RAD9B: variants seen among roughly 807,000 people sequenced by gnomAD.
RAD9B encodes the protein RAD9 checkpoint clamp component B.
Under a neutral mutation model 48.3 loss-of-function variants are expected in RAD9B, and 41 were observed. That is an observed-to-expected ratio of 0.85 (90% CI 0.66 to 1.10). RAD9B has a LOEUF of 1.10. Ranked by LOEUF, RAD9B falls within the 50% of genes least tolerant of loss-of-function variation. The pLI, the probability that RAD9B is intolerant of heterozygous loss-of-function variation, is 0.00. For synonymous variants in RAD9B, 160 were observed against 157.9 expected, an observed-to-expected ratio of 1.01 and a Z score of -0.10; for missense variants, 444 against 485.1, an observed-to-expected ratio of 0.92 and a Z score of 0.80.
Position 110,531,541 on chromosome 12 carries a change from TC to T in RAD9B, c.*889del. ...ATTTTATTTCCTAACCTCAAATTGT[TC>T]TGATTTTCAGATGTGATTTTTTATT... On this transcript the variant is annotated 3_prime_UTR_variant, in exon 11 of 11. Coordinates refer to ENST00000409300, the MANE Select transcript of RAD9B (RefSeq NM_001286535.2). 1 of 1,437,950 alleles carries T rather than the reference TC, an allele frequency of 7.0e-7. No individual in the cohort carries two copies. The highest frequency in any genetic ancestry group is 2.3e-5 in the East Asian group (1 of 43,926). 89.1% of individuals were successfully genotyped at this position (1,437,950 alleles called of 1,614,324 possible). A position where few individuals can be genotyped will look rare whatever the true frequency, so the allele number is the denominator to read the frequency against.
chr12:110,518,564 C>T (rs2063678862), intron 6 of RAD9B, 112 bp from the exon 7 acceptor site: 4 of 611,236 alleles, frequency 6.5e-6, no homozygotes, highest in Admixed American at 3.5e-5. Flanking sequence ...AGTTAGGGTA[C>T]GTAGGGCAGG....
intron 10 of RAD9B, 113 bp from the exon 11 acceptor site, chr12:110,530,412 C>A: frequency 1.1e-6 from 1 of 945,628 alleles, no homozygotes; most frequent in African/African-American, 1.6e-5. Flanking sequence ...CCATCACCAG[C>A]AAAGACAGGG....
At chr12:110,510,896 G>A (rs2063437903) in intron 4 of RAD9B, among the ~76,000 whole-genome samples, 1 of 151,952 alleles carries the variant, frequency 6.6e-6, no homozygotes, top group African/African-American at 2.4e-5. Flanking sequence ...GGAGGTTGCA[G>A]TGAGTTGAGA....
chr12:110,504,967 T>C (rs958596985), intron 2 of RAD9B, among the ~76,000 whole-genome samples: 1 of 151,416 alleles, frequency 6.6e-6, no homozygotes, highest in African/African-American at 2.4e-5. Flanking sequence ...GGTGGTACCA[T>C]TGCACTCCAG....
In RAD9B at chr12:110,521,320, T is replaced by G. The variant is rs143303909; in HGVS notation, c.891-857T>G. Among the ~76,000 whole-genome samples, 4 of 151,842 alleles carry G rather than the reference T, an allele frequency of 2.6e-5. No homozygotes were observed. The East Asian group carries it at 7.8e-4, about 30-fold the overall frequency. ...GGCACCTGCCACCACACCCAGCTAATTTTTGTGTTTTTTGTAGAGATCGGG... is the reference window on the plus strand; with the variant it reads ...GGCACCTGCCACCACACCCAGCTAAGTTTTGTGTTTTTTGTAGAGATCGGG... On this transcript the variant is annotated intron_variant, in intron 9 of 10. Coordinates refer to ENST00000409300, the MANE Select transcript of RAD9B (RefSeq NM_001286535.2).
Position 110,531,225 on chromosome 12 carries a change from C to CT in RAD9B, c.*575dup. On this transcript the variant is annotated 3_prime_UTR_variant, in exon 11 of 11. Transcript: ENST00000409300. ...CTTGGCTTTTTTAGACGGAGTCTCA[C>CT]TTTGTCACTCAGGCTCAAGTGCAGT... 1 of 852,554 alleles carries CT rather than the reference C, an allele frequency of 1.2e-6. No individual in the cohort carries two copies. 52.8% of individuals were successfully genotyped at this position (852,554 alleles called of 1,614,324 possible). A position where few individuals can be genotyped will look rare whatever the true frequency, so the allele number is the denominator to read the frequency against.
chr12:110,502,695 G>T, intron 1 of RAD9B: 1 of 278,074 alleles, frequency 3.6e-6, no homozygotes, highest in Admixed American at 5.0e-5. Context: ...TGCTTGGACA[G>T]TAAAAGTATT....
intron 4 of RAD9B, among the ~76,000 whole-genome samples, chr12:110,507,391 AAT>A (rs1231891080): frequency 7.0e-6 from 1 of 142,768 alleles, no homozygotes; most frequent in Non-Finnish European, 1.5e-5. Flanking sequence ...TATTATATAT[AAT>A]ATATAATATA....
intron 2 of RAD9B, among the ~76,000 whole-genome samples, chr12:110,504,349 A>G (rs995596729): frequency 2.6e-5 from 4 of 151,750 alleles, no homozygotes; most frequent in African/African-American, 9.7e-5. Context: ...GGCACCTGTA[A>G]TCCCAGCTAC....
chr12:110,522,293 C>T lies in RAD9B; in HGVS notation c.1007C>T (p.Ser336Phe). 1 of 1,613,560 alleles carries T rather than the reference C, an allele frequency of 6.2e-7. No individual in the cohort carries two copies. Among genetic ancestry groups the T allele is most frequent in the Non-Finnish European group, 8.5e-7 (1 of 1,179,766 alleles). ...CCTAAGGAGACTCTCACAAACATAT[C>T]TGCATTGGAAAACTGTGGCAGCCCT... is the stretch of plus-strand genomic sequence containing the variant. ...LYPKETLTNISALENCGSPAM... is the reference protein window; with the variant it reads ...LYPKETLTNIFALENCGSPAM... Residue 336 changes from serine to phenylalanine, a missense_variant, in exon 10 of 11, where the codon TCT becomes TTT. Transcript: ENST00000409300.
intron 8 of RAD9B, 109 bp from the exon 9 acceptor site, chr12:110,519,685 C>T (rs2063716292): frequency 8.0e-7 from 1 of 1,257,128 alleles, no homozygotes; most frequent in Admixed American, 2.7e-5. Flanking sequence ...ATCCACCCGC[C>T]TTGGCCTCCC....
chr12:110,505,533 G>A, intron 2 of RAD9B, 84 bp from the exon 3 acceptor site: 1 of 1,235,208 alleles, frequency 8.1e-7, no homozygotes, highest in Non-Finnish European at 1.1e-6. Context: ...CTCCTGCCTT[G>A]GCTTCCCAAA....
At chr12:110,518,578 A>T (rs527330437) in intron 6 of RAD9B, 98 bp from the exon 7 acceptor site, 10 of 708,640 alleles carry the variant, frequency 1.4e-5, no homozygotes, top group South Asian at 2.2e-5. Context: ...GGGCAGGAGG[A>T]AATGGGATGG....
At chr12:110,505,082 T>C (rs977458160) in intron 2 of RAD9B, among the ~76,000 whole-genome samples, 1 of 152,154 alleles carries the variant, frequency 6.6e-6, no homozygotes, top group Non-Finnish European at 1.5e-5. Flanking sequence ...ATGTAAACTT[T>C]TAGATTTAAC....
chr12:110,510,790 C>A (rs538799380), intron 4 of RAD9B, among the ~76,000 whole-genome samples: 3 of 152,046 alleles, frequency 2.0e-5, no homozygotes, highest in East Asian at 3.9e-4. Context: ...CTTGTCTCTA[C>A]CAAAAATACA....
intron 5 of RAD9B, among the ~76,000 whole-genome samples, chr12:110,513,678 T>C (rs2135686754): frequency 6.8e-6 from 1 of 146,830 alleles, no homozygotes. Context: ...TGATATTTTA[T>C]CCATATTGTT....
chr12:110,512,087 C>T (rs570095187), intron 4 of RAD9B, among the ~76,000 whole-genome samples: 18 of 151,860 alleles, frequency 1.2e-4, no homozygotes, highest in African/African-American at 1.7e-4. Flanking sequence ...CCTCATGATC[C>T]GCCCGCCTCA....
rs138738829 is a variant in RAD9B, at chr12:110,518,383, T to C, written c.596-293T>C. ...CTCTCAAAAAGAAGAAAACAAAAAA[T>C]TTATTAATTAACTTAGATAAGAAAT... On this transcript the variant is annotated intron_variant, in intron 6 of 10. Coordinates refer to ENST00000409300, the MANE Select transcript of RAD9B (RefSeq NM_001286535.2). Among the ~76,000 whole-genome samples the C allele has an allele frequency of 1.5e-3, 229 of 152,170 alleles. 1 individual carries two copies. Among genetic ancestry groups the C allele is most frequent in the African/African-American group, 5.3e-3 (220 of 41,524 alleles).
At chr12:110,519,024 C>T in intron 8 of RAD9B, 86 bp downstream of exon 8, 3 of 882,262 alleles carry the variant, frequency 3.4e-6, no homozygotes, top group Non-Finnish European at 5.2e-6. Context: ...AATTAATTAA[C>T]ACCTCAGGAA....
Sources: gnomAD v4.1 joint callset for allele counts (sites outside exome capture counted in the v4.1 genomes callset) on GRCh38, gnomAD v4.1.1 for gene constraint, MANE v1.5 for transcripts, NCBI Gene and HGNC (gene_info 2026-07-23, HGNC 2026-07-21) for gene names.